OGDH: variants seen among roughly 807,000 people sequenced by gnomAD.
The protein encoded by OGDH is oxoglutarate dehydrogenase.
OGDH carries 38 observed loss-of-function variants against 116.6 expected under a neutral mutation model. The ratio of observed to expected loss-of-function variants is 0.33; its 90% CI spans 0.25 to 0.43. The LOEUF (loss-of-function observed/expected upper bound fraction) is 0.43. Ranked by LOEUF, OGDH falls within the 20% of genes least tolerant of loss-of-function variation. The probability of loss-of-function intolerance (pLI) is 1.00; values close to 1 mark genes in which losing one functional copy is unlikely to be tolerated. For synonymous variants in OGDH, 488 were observed against 533.3 expected (o/e 0.92, Z 1.17); for missense variants, 825 against 1,357.2 (o/e 0.61, Z 6.16).
chr7:44,635,490 G>A (rs1016301047), intron 2 of OGDH, among the ~76,000 whole-genome samples: 11 of 152,114 alleles, frequency 7.2e-5, no homozygotes, highest in Non-Finnish European at 1.6e-4. Context: ...GTGACCAAGG[G>A]TAGCTACGTG....
At chr7:44,666,676 C>T in intron 4 of OGDH, 60 bp from the exon 5 acceptor site, 1 of 839,302 alleles carries the variant, frequency 1.2e-6, no homozygotes, top group Non-Finnish European at 1.8e-6. Flanking sequence ...AACTGTGGTC[C>T]CTGCATGGCT....
At chr7:44,614,642 T>C (rs1356566744) in intron 1 of OGDH, among the ~76,000 whole-genome samples, 1 of 152,158 alleles carries the variant, frequency 6.6e-6, no homozygotes, top group East Asian at 1.9e-4. Context: ...ATGTCTGTTT[T>C]GTTCTCTACA....
chr7:44,667,023 T>G (rs1192819921), intron 5 of OGDH, among the ~76,000 whole-genome samples, 172 bp downstream of exon 5: 3 of 152,172 alleles, frequency 2.0e-5, no homozygotes, highest in Non-Finnish European at 4.4e-5. Flanking sequence ...TTTGGCTCAC[T>G]GCAGCCTTGA....
chr7:44,655,197 C>T (rs1183690885), intron 4 of OGDH, among the ~76,000 whole-genome samples: 5 of 131,802 alleles, frequency 3.8e-5, no homozygotes, highest in Non-Finnish European at 8.4e-5. Context: ...TCCAGGGTAG[C>T]TAACATACAC....
At chr7:44,632,463 T>G (rs1785482601) in intron 2 of OGDH, among the ~76,000 whole-genome samples, 1 of 152,070 alleles carries the variant, frequency 6.6e-6, no homozygotes, top group Admixed American at 6.6e-5. Context: ...CCACCATGCC[T>G]GACTAATATT....
chr7:44,636,324 C>A (rs949034929), intron 2 of OGDH, among the ~76,000 whole-genome samples: 1 of 152,262 alleles, frequency 6.6e-6, no homozygotes, highest in Non-Finnish European at 1.5e-5. Flanking sequence ...GGAAACCTCA[C>A]AACCAAGGAC....
At chr7:44,632,863 C>T (rs921925210) in intron 2 of OGDH, among the ~76,000 whole-genome samples, 3 of 151,742 alleles carry the variant, frequency 2.0e-5, no homozygotes, top group Admixed American at 1.3e-4. Context: ...CATGATCCGC[C>T]TGGTGGATGT....
At chr7:44,692,806 A>G (rs1430105401) in intron 10 of OGDH, among the ~76,000 whole-genome samples, 1 of 152,066 alleles carries the variant, frequency 6.6e-6, no homozygotes, top group Non-Finnish European at 1.5e-5. Context: ...AGGCCGAGGC[A>G]GAAGGATCAC....
At chr7:44,626,199 C>T (rs528191819) in intron 2 of OGDH, among the ~76,000 whole-genome samples, 3 of 148,554 alleles carry the variant, frequency 2.0e-5, no homozygotes, top group South Asian at 4.3e-4. Context: ...AACAAATTGC[C>T]CAGAAGAAGT....
At position 44,707,628 on chromosome 7, in the gene OGDH, A is replaced by C; in HGVS notation, c.2843A>C (p.Tyr948Ser). Residue 948 changes from tyrosine (Y) to serine (S), a missense_variant, in exon 22 of 23, where the codon TAC becomes TCC. Around this residue, in one of 7 missense-constraint regions of OGDH, gnomAD observed 212 missense variants for 284.3 expected, o/e 0.75. Coordinates refer to ENST00000222673, the MANE Select transcript of OGDH (RefSeq NM_002541.4). This position sits in a 1 kb window ranked among gnomAD's most constrained non-coding sequence, Gnocchi z 5.2. The part of the protein sequence containing the change: ...FDLLLKEVQK[Y>S]PNAELAWCQE... Reference sequence around the variant, plus strand: ...CTCCTGCTGAAGGAGGTGCAGAAGTACCCCAATGCTGAGCTGGCCTGGTGC... The same window carrying C: ...CTCCTGCTGAAGGAGGTGCAGAAGTCCCCCAATGCTGAGCTGGCCTGGTGC... 6.2e-7 allele frequency: 1 copy of C among 1,614,102 alleles called. No individual in the cohort carries two copies. The highest frequency in any genetic ancestry group is 8.5e-7 in the Non-Finnish European group (1 of 1,180,036).
rs1253258518 is a variant in OGDH at position 44,676,030 on chromosome 7, G to A, written c.1087G>A (p.Asp363Asn). 21 of 1,613,966 alleles carry A rather than the reference G, an allele frequency of 1.3e-5. No homozygotes were observed. The highest frequency in any genetic ancestry group is 1.6e-5 in the Non-Finnish European group (19 of 1,180,032). ...TCACCGCAGGATCAATCGTGTCACC[G>A]ACAGGAACATTACCTTGTCCTTGGT... Reference protein sequence around the residue: ...MYHRRINRVTDRNITLSLVAN... With the variant: ...MYHRRINRVTNRNITLSLVAN... The change falls in exon 9 of 23, where the codon GAC becomes AAC. Residue 363 changes from aspartate to asparagine, a missense_variant. Around this residue, in one of 7 missense-constraint regions of OGDH, gnomAD observed 146 missense variants for 317.3 expected, o/e 0.46. Coordinates refer to ENST00000222673, the MANE Select transcript of OGDH (RefSeq NM_002541.4).
chr7:44,616,014 G>A (rs1313688026), intron 1 of OGDH, among the ~76,000 whole-genome samples: 1 of 150,460 alleles, frequency 6.6e-6, no homozygotes, highest in African/African-American at 2.5e-5. Flanking sequence ...GGGCAACAGA[G>A]CAAGACCCTG....
intron 1 of OGDH, among the ~76,000 whole-genome samples, chr7:44,616,790 T>C (rs1480386620): frequency 4.4e-5 from 5 of 114,084 alleles, no homozygotes; most frequent in East Asian, 3.5e-4. Context: ...TATGCATATA[T>C]ATATGTGTAT....
At chr7:44,700,339 C>T (rs1788772722) in intron 19 of OGDH, 70 bp downstream of exon 19, 1 of 1,582,340 alleles carries the variant, frequency 6.3e-7, no homozygotes, top group Non-Finnish European at 8.6e-7. Flanking sequence ...AAGGGCTCCT[C>T]AGAGAGCCTC....
chr7:44,623,213 A>G (rs892266880), intron 1 of OGDH, among the ~76,000 whole-genome samples: 14 of 152,044 alleles, frequency 9.2e-5, no homozygotes, highest in African/African-American at 3.4e-4. Flanking sequence ...GTTTCTGCCT[A>G]TGGGTCCTTC....
intron 4 of OGDH, among the ~76,000 whole-genome samples, chr7:44,665,285 T>TA (rs61608424): frequency 0.087 from 7,966 of 91,822 alleles, 969 homozygotes; most frequent in African/African-American, 0.27. Flanking sequence ...CCCTCCAGGT[T>TA]AAAAAAAAAA....
intron 10 of OGDH, among the ~76,000 whole-genome samples, chr7:44,682,059 C>T (rs1787950486): frequency 6.6e-6 from 1 of 152,094 alleles, no homozygotes; most frequent in East Asian, 1.9e-4. Flanking sequence ...CCAGTCTGGG[C>T]AATATAGTGA....
Position 44,675,251 on chromosome 7 carries a change from C to T in OGDH, c.1009C>T (p.Leu337=), listed in dbSNP as rs1416005689. 2.4e-5 allele frequency: 39 copies of T among 1,614,118 alleles called. No homozygotes were observed. The highest frequency in any genetic ancestry group is 3.2e-5 in the Non-Finnish European group (38 of 1,179,956). ...GATCTTCTGTCAATTCGATTCAAAG[C>T]TGGAGGCAGCTGATGAGGTGAGGCA... The part of the protein sequence containing the change: ...EQIFCQFDSK[L]EAADEGSGDV... Residue 337 remains leucine (L), a synonymous_variant, in exon 8 of 23, where the codon CTG becomes TTG. Coordinates refer to ENST00000222673, the MANE Select transcript of OGDH (RefSeq NM_002541.4).
intron 20 of OGDH, among the ~76,000 whole-genome samples, chr7:44,705,168 T>G (rs1270866650): frequency 2.8e-5 from 4 of 141,654 alleles, no homozygotes; most frequent in Non-Finnish European, 6.0e-5. Flanking sequence ...TTCTCCTGCC[T>G]CAGCCTCCCA....
Sources: allele counts gnomAD v4.1 joint callset (sites outside exome capture counted in the v4.1 genomes callset), GRCh38; gene constraint gnomAD v4.1.1; regional missense constraint gnomAD v4.1.1; non-coding constraint Gnocchi (gnomAD v3.1); transcripts MANE v1.5; gene names NCBI Gene and HGNC (gene_info 2026-07-23, HGNC 2026-07-21).